Variants in USP35 observed in about 807,000 individuals in gnomAD.
The protein encoded by USP35 is ubiquitin carboxyl-terminal hydrolase 35.
USP35 carries 69 observed loss-of-function variants against 83.8 expected under a neutral mutation model. The ratio of observed to expected loss-of-function variants is 0.82; its 90% CI spans 0.68 to 1.01. The LOEUF is 1.01. Among genes scored for constraint, USP35 ranks in the 50% least tolerant of loss-of-function variants. USP35 has a pLI of 0.00. For missense variants in USP35, 1,503 were observed against 1,362.5 expected, an observed-to-expected ratio of 1.10 and a Z score of -1.62; for synonymous variants, 714 against 589.5, an observed-to-expected ratio of 1.21 and a Z score of -3.06.
chr11:78,197,232 G>A (rs1438032955), intron 2 of USP35, among the ~76,000 whole-genome samples: 1 of 144,510 alleles, frequency 6.9e-6, no homozygotes, highest in Non-Finnish European at 1.5e-5. Context: ...TTTGGGGCGG[G>A]GGAGGTGGGG....
downstream of USP35, chr11:78,217,568 C>T (rs543551357): frequency 6.6e-6 from 1 of 152,270 alleles, no homozygotes; most frequent in East Asian, 1.9e-4. Flanking sequence ...GTTCTGTTCG[C>T]CCCAGGGTAG....
At position 78,196,495 on chromosome 11, in the gene USP35, C is replaced by T. The variant is rs1338235583; in HGVS notation, c.250C>T (p.Arg84Cys). The change falls in exon 2 of 11, where the codon CGC becomes TGC. Residue 84 changes from arginine to cysteine, a missense_variant. By Grantham distance (180) the Arg-to-Cys change is radical. Transcript: ENST00000529308. This position sits in a 1 kb window ranked among gnomAD's most constrained non-coding sequence, Gnocchi z 4.8. ...DVFAEFFSAR[R>C]VLRLLQGGAG... ...CTTCGCCGAGTTCTTCAGCGCGCGT[C>T]GCGTGCTGCGCCTGCTGCAGGGTGG... 8.2e-6 allele frequency: 10 copies of T among 1,226,980 alleles called. No homozygotes were observed. In the Admixed American group the frequency reaches 2.3e-4, roughly 28 times the overall value. 76.0% of individuals were successfully genotyped at this position (1,226,980 alleles called of 1,614,324 possible).
At chr11:78,225,964 A>G in the USP35 span, among the ~76,000 whole-genome samples, 5 of 152,268 alleles carry the variant, frequency 3.3e-5, no homozygotes, top group Non-Finnish European at 5.9e-5. Context: ...GTGGAAAACA[A>G]GTAACAATAG....
In USP35 at chr11:78,196,815, G is replaced by A. The variant is rs1347359977; in HGVS notation, c.570G>A (p.Glu190=). ...EGEEGAVEFL[E]QAQQVSGLLA... The stretch of plus-strand genomic sequence containing the variant: ...AGGAGGGCGCCGTGGAGTTCCTAGA[G>A]CAGGCCCAGCAGGTGAGCGGGCTCC... Residue 190 remains glutamate (E), a synonymous_variant, in exon 2 of 11, where the codon GAG becomes GAA. Transcript: ENST00000529308. This position sits in a 1 kb window ranked among gnomAD's most constrained non-coding sequence, Gnocchi z 4.8. 1 of 1,532,644 alleles carries A rather than the reference G, an allele frequency of 6.5e-7. No homozygotes were observed. The allele number at this position is 1,532,644 out of a possible 1,614,324, so 94.9% of individuals were successfully genotyped here.
intron 7 of USP35, among the ~76,000 whole-genome samples, chr11:78,206,581 TA>T (rs1304249839): frequency 3.3e-5 from 5 of 152,230 alleles, no homozygotes; most frequent in Non-Finnish European, 7.3e-5. Context: ...CAAGTCTTTC[TA>T]AGGTGCTGCT....
chr11:78,200,391 C>G lies in USP35; in HGVS notation c.1038+157C>G, dbSNP rs572263916. Among the ~76,000 whole-genome samples, 5 of 152,318 alleles carry G rather than the reference C, an allele frequency of 3.3e-5. No homozygotes were observed. In the East Asian group the frequency reaches 9.6e-4, roughly 29 times the overall value. On this transcript the variant is annotated intron_variant, in intron 5 of 10. Coordinates refer to ENST00000529308, the MANE Select transcript of USP35 (RefSeq NM_020798.4). ...CAAGCAGCTGGATCGTGGGCTCTGG[C>G]CTCCCTTTGACTGTGAGGAGAGGAG...
chr11:78,199,542 C>T, intron 3 of USP35, 53 bp from the exon 4 acceptor site: 1 of 1,612,072 alleles, frequency 6.2e-7, no homozygotes, highest in Non-Finnish European at 8.5e-7. Context: ...CTGCCCTCAC[C>T]CCAGCATTTT....
At chr11:78,207,659 C>G in intron 8 of USP35, 36 bp downstream of exon 8, 2 of 1,597,434 alleles carry the variant, frequency 1.3e-6, no homozygotes, top group South Asian at 2.2e-5. Context: ...GGTGGAGAGG[C>G]AGCTCTGGTC....
Position 78,210,063 on chromosome 11 carries a change from G to A in USP35, c.2208G>A (p.Leu736=). The change falls in exon 10 of 11, where the codon CTG becomes CTA. Residue 736 remains leucine, a synonymous_variant. Coordinates refer to ENST00000529308, the MANE Select transcript of USP35 (RefSeq NM_020798.4). ...AGCAGGAAAAGGAAGAAGACAGCCT[G>A]GGAGCGGGGACCCACCCGGATGCTG... ...EAEQEKEEDS[L]GAGTHPDAAI... is the part of the protein sequence containing the mutation. 1 of 1,613,912 alleles carries A rather than the reference G, an allele frequency of 6.2e-7. No homozygotes were observed. Among genetic ancestry groups the A allele is most frequent in the Non-Finnish European group, 8.5e-7 (1 of 1,179,898 alleles).
the USP35 span, among the ~76,000 whole-genome samples, chr11:78,222,766 A>G: frequency 1.3e-5 from 2 of 152,082 alleles, no homozygotes; most frequent in Non-Finnish European, 2.9e-5. Context: ...TATTTTTAGT[A>G]GAGACGGGGT....
intron 7 of USP35, 143 bp downstream of exon 7, chr11:78,206,178 G>A: frequency 8.8e-7 from 1 of 1,138,772 alleles, no homozygotes; most frequent in Admixed American, 2.4e-5. Flanking sequence ...GAGGTCTGTG[G>A]GGACAGAGAG....
At chr11:78,190,484 C>T (rs190360056) in intron 1 of USP35, among the ~76,000 whole-genome samples, 6 of 152,316 alleles carry the variant, frequency 3.9e-5, no homozygotes, top group East Asian at 1.9e-4. Context: ...CTTTGGTTTT[C>T]TCTCATCTTG....
chr11:78,223,195 A>G, the USP35 span, among the ~76,000 whole-genome samples: 11 of 152,172 alleles, frequency 7.2e-5, no homozygotes, highest in Admixed American at 2.0e-4. Flanking sequence ...AACGCCTGCT[A>G]TGTACCAAAG....
chr11:78,209,924 A>C lies in USP35; in HGVS notation c.2069A>C (p.Lys690Thr), dbSNP rs1011046427. 3 of 1,603,292 alleles carry C rather than the reference A, an allele frequency of 1.9e-6. No individual in the cohort carries two copies. The highest frequency in any genetic ancestry group is 2.7e-5 in the African/African-American group (2 of 74,620). The change falls in exon 10 of 11, where the codon AAG becomes ACG. Residue 690 changes from lysine (K) to threonine (T), a missense_variant. Coordinates refer to ENST00000529308, the MANE Select transcript of USP35 (RefSeq NM_020798.4). ...GAAGGGAAGGAGGAGAGAACGGAGA[A>C]GGAAGAAGTGGGGGAGGAGGAGGAA... ...EEEGKEERTE[K>T]EEVGEEEEST...
At chr11:78,216,642 C>A (rs532840313), downstream of USP35, 1 of 152,068 alleles carries the variant, frequency 6.6e-6, no homozygotes, top group East Asian at 1.9e-4. Context: ...AGGAAGCCTC[C>A]TGGGAGATTC....
intron 3 of USP35, chr11:78,198,522 G>C: frequency 1.3e-6 from 1 of 757,414 alleles, no homozygotes; most frequent in Non-Finnish European, 1.6e-6. Flanking sequence ...TCCTCCCTGT[G>C]ATCTAGACGC....
chr11:78,190,062 T>C (rs763163652), intron 1 of USP35, among the ~76,000 whole-genome samples: 3 of 151,988 alleles, frequency 2.0e-5, no homozygotes, highest in Non-Finnish European at 2.9e-5. Context: ...GGAGGCTGGC[T>C]TCGAGGGTCA....
At chr11:78,192,700 G>A (rs144906421) in intron 1 of USP35, among the ~76,000 whole-genome samples, 1 of 152,182 alleles carries the variant, frequency 6.6e-6, no homozygotes, top group African/African-American at 2.4e-5. Context: ...CAGCTGCCAG[G>A]CTTATGTGGT....
chr11:78,210,830 CTAAG>C (rs1421471676), intron 10 of USP35, 86 bp downstream of exon 10: 1 of 1,377,148 alleles, frequency 7.3e-7, no homozygotes. Flanking sequence ...CATTTCCCCT[CTAAG>C]TCTTTTTTGT....
Sources: allele counts gnomAD v4.1 joint callset (sites outside exome capture counted in the v4.1 genomes callset), GRCh38; gene constraint gnomAD v4.1.1; non-coding constraint Gnocchi (gnomAD v3.1); transcripts MANE v1.5; gene names NCBI Gene and HGNC (gene_info 2026-07-23, HGNC 2026-07-21).